FHOD3: variants seen among roughly 807,000 people sequenced by gnomAD.
FHOD3 encodes the protein FH1/FH2 domain-containing protein 3.
Under a neutral mutation model 173.0 loss-of-function variants are expected in FHOD3, and 90 were observed. The ratio of observed to expected loss-of-function variants is 0.52; its 90% CI spans 0.44 to 0.62. The LOEUF (loss-of-function observed/expected upper bound fraction) is 0.62. Ranked by LOEUF, FHOD3 falls within the 20% of genes least tolerant of loss-of-function variation. FHOD3 has a pLI of 0.00. For missense variants in FHOD3, 1,945 were observed against 2,034.7 expected (o/e 0.96, Z 0.85); for synonymous variants, 828 against 823.0 (o/e 1.01, Z -0.10).
At position 36,652,689 on chromosome 18, in the gene FHOD3, C is replaced by T. The variant is rs2036144442; in HGVS notation, c.1406C>T (p.Ala469Val). 2 of 1,535,676 alleles carry T rather than the reference C, an allele frequency of 1.3e-6. No homozygotes were observed. The highest frequency in any genetic ancestry group is 1.7e-6 in the Non-Finnish European group (2 of 1,146,688). ...GGAAAGCCGCTTCTGGTTGGCACTG[C>T]AGGCGGGACCACCTGGCACAGTGGG... ...SQGKPLLVGT[A>V]GGTTWHSGSS... Residue 469 changes from alanine to valine, a missense_variant, in exon 12 of 29, where the codon GCA becomes GTA. By Grantham distance (64) the Ala-to-Val change is moderately conservative. Transcript: ENST00000590592.
chr18:36,593,244 G>A (rs2059287778), intron 6 of FHOD3, among the ~76,000 whole-genome samples: 1 of 152,204 alleles, frequency 6.6e-6, no homozygotes, highest in African/African-American at 2.4e-5. Flanking sequence ...TGGTGGTGAT[G>A]GAAGTCCTAT....
intron 16 of FHOD3, 92 bp from the exon 17 acceptor site, chr18:36,693,117 C>T (rs566807981): frequency 1.3e-4 from 171 of 1,290,506 alleles, no homozygotes; most frequent in Admixed American, 1.8e-4. Context: ...ATCAGGAAAC[C>T]GGCTCATTCT....
At chr18:36,310,900 G>A (rs1039671733) in intron 1 of FHOD3, among the ~76,000 whole-genome samples, 8 of 152,202 alleles carry the variant, frequency 5.3e-5, no homozygotes, top group African/African-American at 1.9e-4. Context: ...TAGCCCCCTG[G>A]AGGGATGTGG....
rs532609709 is a variant in FHOD3 at position 36,748,382 on chromosome 18, AACACACACACAC to A, written c.4232+1272_4232+1283del. On this transcript the variant is annotated intron_variant, in intron 24 of 28. Transcript: ENST00000590592. ...CGCACGCGCACACACACACACACAC[AACACACACACAC>A]ACACACACACACACACACACACACG... Among the ~76,000 whole-genome samples, 146 of 143,570 alleles carry A rather than the reference AACACACACACAC, an allele frequency of 1.0e-3. 1 individual carries two copies. Among genetic ancestry groups the A allele is most frequent in the African/African-American group, 3.3e-3 (128 of 38,620 alleles). 94.2% of individuals were successfully genotyped at this position (143,570 alleles called of 152,430 possible).
chr18:36,616,008 T>C (rs1437316038), intron 9 of FHOD3, among the ~76,000 whole-genome samples: 1 of 152,210 alleles, frequency 6.6e-6, no homozygotes, highest in Non-Finnish European at 1.5e-5. Flanking sequence ...CTTCCAGCCC[T>C]GCCTCACTCC....
chr18:36,713,239 G>A (rs556347234), intron 18 of FHOD3, among the ~76,000 whole-genome samples: 8 of 152,278 alleles, frequency 5.3e-5, no homozygotes, highest in Non-Finnish European at 7.4e-5. Flanking sequence ...TTACTAAATC[G>A]TACTTGATGG....
chr18:36,536,738 G>T (rs375602003), intron 5 of FHOD3, among the ~76,000 whole-genome samples: 15 of 152,148 alleles, frequency 9.9e-5, no homozygotes, highest in African/African-American at 3.4e-4. Context: ...TTTTTTTGCT[G>T]CATGGAGGCT....
intron 1 of FHOD3, among the ~76,000 whole-genome samples, chr18:36,306,657 C>CTT (rs1264802207): frequency 6.6e-6 from 1 of 152,218 alleles, no homozygotes; most frequent in African/African-American, 2.4e-5. Flanking sequence ...AGTTGGTCCA[C>CTT]TTCTCCATGA....
intron 10 of FHOD3, among the ~76,000 whole-genome samples, chr18:36,626,467 G>C (rs1162943046): frequency 6.6e-6 from 1 of 152,176 alleles, no homozygotes; most frequent in Non-Finnish European, 1.5e-5. Context: ...GCCAAACCCA[G>C]AGTGGTTCTA....
chr18:36,436,425 G>A (rs2050813545), intron 3 of FHOD3, among the ~76,000 whole-genome samples: 1 of 152,034 alleles, frequency 6.6e-6, no homozygotes, highest in Non-Finnish European at 1.5e-5. Flanking sequence ...TTTGTTATCC[G>A]AGGTATTAAA....
chr18:36,744,840 A>G (rs188653146), intron 23 of FHOD3, among the ~76,000 whole-genome samples: 1 of 152,258 alleles, frequency 6.6e-6, no homozygotes, highest in African/African-American at 2.4e-5. Context: ...AGGCTGACCA[A>G]CTCCTAGAGG....
intron 5 of FHOD3, among the ~76,000 whole-genome samples, chr18:36,524,343 G>A (rs975230853): frequency 2.0e-5 from 3 of 151,864 alleles, no homozygotes; most frequent in Non-Finnish European, 4.4e-5. Flanking sequence ...TGTGATCTAC[G>A]GAATTTTGAA....
chr18:36,778,219 G>A (rs2043829259), intron 28 of FHOD3: 1 of 152,244 alleles, frequency 6.6e-6, no homozygotes, highest in African/African-American at 2.4e-5. Flanking sequence ...GCAGATGCAT[G>A]AGGTGGGCCC....
intron 3 of FHOD3, among the ~76,000 whole-genome samples, chr18:36,440,221 T>C (rs2051055253): frequency 6.6e-6 from 1 of 152,116 alleles, no homozygotes; most frequent in Non-Finnish European, 1.5e-5. Context: ...AGGAATAAAC[T>C]ACCCAAAAAA....
At chr18:36,576,932 A>C (rs2058675413) in intron 6 of FHOD3, among the ~76,000 whole-genome samples, 1 of 152,106 alleles carries the variant, frequency 6.6e-6, no homozygotes, top group African/African-American at 2.4e-5. Flanking sequence ...GTCTCTACTA[A>C]AAATATAAAA....
At chr18:36,505,142 C>T (rs2055238706) in intron 4 of FHOD3, among the ~76,000 whole-genome samples, 1 of 152,208 alleles carries the variant, frequency 6.6e-6, no homozygotes, top group South Asian at 2.1e-4. Flanking sequence ...ACATGCATTA[C>T]TCATTGTGTG....
chr18:36,693,432 A>G lies in FHOD3; in HGVS notation c.2236+9A>G, dbSNP rs2039081537. Reference sequence around the variant, plus strand: ...CCCTCACCATCCCCAAGGTGAGTACAGGGAGAGTAGAGGGAAAATGAACAG... The same window carrying G: ...CCCTCACCATCCCCAAGGTGAGTACGGGGAGAGTAGAGGGAAAATGAACAG... On this transcript the variant is annotated intron_variant, in intron 17 of 28. Coordinates refer to ENST00000590592, the MANE Select transcript of FHOD3 (RefSeq NM_001281740.3). The G allele has an allele frequency of 6.2e-7, 1 of 1,610,758 alleles. No individual in the cohort carries two copies. The highest frequency in any genetic ancestry group is 2.2e-5 in the East Asian group (1 of 44,786).
chr18:36,678,046 T>C (rs879771857), intron 14 of FHOD3, among the ~76,000 whole-genome samples: 1 of 152,222 alleles, frequency 6.6e-6, no homozygotes, highest in African/African-American at 2.4e-5. Context: ...CTTAATAAAA[T>C]AACATAGGTT....
intron 9 of FHOD3, among the ~76,000 whole-genome samples, chr18:36,618,311 G>GTTTTT (rs34019893): frequency 2.0e-4 from 14 of 70,824 alleles, no homozygotes; most frequent in East Asian, 5.4e-4. Flanking sequence ...TTTTTTGGTG[G>GTTTTT]TTTTTTTTTT....
Sources: allele counts gnomAD v4.1 joint callset (sites outside exome capture counted in the v4.1 genomes callset), GRCh38; gene constraint gnomAD v4.1.1; transcripts MANE v1.5; gene names NCBI Gene and HGNC (gene_info 2026-07-23, HGNC 2026-07-21).